The following ODAD1 variants were observed in gnomAD, a reference collection of about 807,000 sequenced individuals.
ODAD1 encodes the protein outer dynein arm docking complex subunit 1, also known as outer dynein arm-docking complex subunit 1.
Under a neutral mutation model 67.2 loss-of-function variants are expected in ODAD1, and 49 were observed. That is an observed-to-expected ratio of 0.73 (90% CI 0.58 to 0.92). The LOEUF (loss-of-function observed/expected upper bound fraction) is 0.92, where lower values mean the gene tolerates loss of function less well. ODAD1 is among the 40% of genes least tolerant of loss of function. ODAD1 has a pLI of 0.00. For synonymous variants in ODAD1, 345 were observed against 393.7 expected, an observed-to-expected ratio of 0.88 and a Z score of 1.46; for missense variants, 897 against 953.7, an observed-to-expected ratio of 0.94 and a Z score of 0.78.
At chr19:48,320,156 C>A in intron 3 of ODAD1, 143 bp downstream of exon 3, 1 of 849,228 alleles carries the variant, frequency 1.2e-6, no homozygotes, top group Non-Finnish European at 1.5e-6. Context: ...GTGCCCGCCC[C>A]GCCTCCCTTA....
chr19:48,302,556 G>C (rs1968493439), intron 12 of ODAD1, 138 bp downstream of exon 12: 1 of 654,056 alleles, frequency 1.5e-6, no homozygotes, highest in Non-Finnish European at 2.6e-6. Context: ...GACCCTGGTT[G>C]GAAAGATGGA....
At chr19:48,304,689 T>C (rs1968561234) in intron 8 of ODAD1, among the ~76,000 whole-genome samples, 1 of 151,546 alleles carries the variant, frequency 6.6e-6, no homozygotes, top group Non-Finnish European at 1.5e-5. Flanking sequence ...AACACAAAAC[T>C]CTCGGTGTGC....
chr19:48,297,770 A>ATTGTG, intron 14 of ODAD1, 102 bp from the exon 15 acceptor site: 1 of 1,083,508 alleles, frequency 9.2e-7, no homozygotes. Flanking sequence ...TTCTCCCACC[A>ATTGTG]GCCCCGAGTG....
chr19:48,321,616 T>C (rs1344688993), intron 1 of ODAD1, 62 bp downstream of exon 1: 3 of 368,548 alleles, frequency 8.1e-6, no homozygotes, highest in African/African-American at 2.1e-5. Flanking sequence ...CGCTCAGGCC[T>C]TGAAGGCCTG....
At position 48,296,674 on chromosome 19, in the gene ODAD1, G is replaced by C; in HGVS notation, c.*302C>G. ...GGTGGGGGATCCACAGGGGGCCAGGGCTCAGCAGACAGGGAAGGGGCAGAT... is the reference window on the plus strand; with the variant it reads ...GGTGGGGGATCCACAGGGGGCCAGGCCTCAGCAGACAGGGAAGGGGCAGAT... On this transcript the variant is annotated 3_prime_UTR_variant, in exon 16 of 16. Coordinates refer to ENST00000674294, the MANE Select transcript of ODAD1 (RefSeq NM_001364171.2). 1 of 911,180 alleles carries C rather than the reference G, an allele frequency of 1.1e-6. No homozygotes were observed. Among genetic ancestry groups the C allele is most frequent in the Non-Finnish European group, 1.4e-6 (1 of 701,274 alleles). The allele number at this position is 911,180 out of a possible 1,614,324, so 56.4% of individuals were successfully genotyped here.
chr19:48,311,486 C>A (rs1310214395), intron 7 of ODAD1, 67 bp downstream of exon 7: 3 of 902,722 alleles, frequency 3.3e-6, no homozygotes, highest in African/African-American at 1.6e-5. Flanking sequence ...GCAGGAAGGG[C>A]AAACAGCTGT....
In ODAD1 at chr19:48,321,862, G is replaced by A. The variant is rs191594163; in HGVS notation, c.-248C>T. The A allele has an allele frequency of 1.3e-5, 5 of 398,600 alleles. No homozygotes were observed. The highest frequency in any genetic ancestry group is 1.0e-4 in the African/African-American group (5 of 48,774). The allele number at this position is 398,600 out of a possible 1,614,324, so 24.7% of individuals were successfully genotyped here. A position where few individuals can be genotyped will look rare whatever the true frequency, so the allele number is the denominator to read the frequency against. On this transcript the variant is annotated 5_prime_UTR_variant, in exon 1 of 16. Coordinates refer to ENST00000674294, the MANE Select transcript of ODAD1 (RefSeq NM_001364171.2). ...TCGAAGCCGGGAGTTGCGCGGAGAA[G>A]GAGCGCTCAACACAGCCTCAGCGGT...
At chr19:48,304,736 ATCCT>A (rs1250212211) in intron 8 of ODAD1, among the ~76,000 whole-genome samples, 1 of 152,086 alleles carries the variant, frequency 6.6e-6, no homozygotes, top group Non-Finnish European at 1.5e-5. Flanking sequence ...TGCTCTCCTC[ATCCT>A]TCAGAGTGTA....
intron 5 of ODAD1, 59 bp from the exon 6 acceptor site, chr19:48,312,175 GCC>G: frequency 1.4e-6 from 2 of 1,402,988 alleles, no homozygotes; most frequent in South Asian, 1.3e-5. Flanking sequence ...AGATTGAATG[GCC>G]CAGGGAAAAT....
In ODAD1 at chr19:48,305,115, GAGA is replaced by G. The variant is rs1246582225; in HGVS notation, c.666-978_666-976del. On this transcript the variant is annotated intron_variant, in intron 8 of 15. Coordinates refer to ENST00000674294, the MANE Select transcript of ODAD1 (RefSeq NM_001364171.2). ...AGGGACCATGAGAAAACAGAAGCCA[GAGA>G]AGAACTTAGTAGAAGGTAAGAAAGC... is the stretch of plus-strand genomic sequence containing the variant. Among the ~76,000 whole-genome samples the G allele has an allele frequency of 2.6e-5, 4 of 152,304 alleles. No individual in the cohort carries two copies. The East Asian group carries it at 5.8e-4, about 22-fold the overall frequency.
chr19:48,321,343 C>A (rs1211363860), intron 1 of ODAD1, among the ~76,000 whole-genome samples: 2 of 151,834 alleles, frequency 1.3e-5, no homozygotes, highest in African/African-American at 4.8e-5. Context: ...GAGAGGTGCA[C>A]GGCTGTGAGG....
chr19:48,297,859 C>T, intron 14 of ODAD1, 141 bp downstream of exon 14: 1 of 846,840 alleles, frequency 1.2e-6, no homozygotes, highest in Non-Finnish European at 1.8e-6. Flanking sequence ...TGCCTCGAAG[C>T]ACATACTTCA....
At chr19:48,316,213 T>G (rs1968894974) in intron 5 of ODAD1, among the ~76,000 whole-genome samples, 1 of 151,990 alleles carries the variant, frequency 6.6e-6, no homozygotes, top group Admixed American at 6.6e-5. Flanking sequence ...ACCCCCCATC[T>G]CTACTAAAAA....
chr19:48,311,026 C>T (rs1199291327), intron 7 of ODAD1, among the ~76,000 whole-genome samples: 1 of 152,116 alleles, frequency 6.6e-6, no homozygotes, highest in South Asian at 2.1e-4. Context: ...TCCTGGCTAA[C>T]ACAGTGAAAC....
In ODAD1 at chr19:48,320,316, G is replaced by T. The variant is rs1274139897; in HGVS notation, c.53C>A (p.Ala18Glu). Residue 18 changes from alanine (A) to glutamate (E), a missense_variant, in exon 3 of 16, where the codon GCA becomes GAA. Coordinates refer to ENST00000674294, the MANE Select transcript of ODAD1 (RefSeq NM_001364171.2). Reference protein sequence around the residue: ...GSARSEEGSEAFLEGMVDWEL... With the variant: ...GSARSEEGSEEFLEGMVDWEL... ...TGAATTACCCATTCCCTCCAGAAAT[G>T]CCTCGCTTCCCTCCTCGGAGCGGGC... 2.6e-5 allele frequency: 34 copies of T among 1,288,418 alleles called. No individual in the cohort carries two copies. The highest frequency in any genetic ancestry group is 3.4e-5 in the Non-Finnish European group (34 of 987,760). The allele number at this position is 1,288,418 out of a possible 1,614,324, so 79.8% of individuals were successfully genotyped here.
At chr19:48,311,210 C>CAAAA (rs1463815549) in intron 7 of ODAD1, among the ~76,000 whole-genome samples, 1 of 151,840 alleles carries the variant, frequency 6.6e-6, no homozygotes, top group African/African-American at 2.4e-5. Flanking sequence ...AGACTCATCT[C>CAAAA]AAAACAAAGA....
intron 5 of ODAD1, among the ~76,000 whole-genome samples, chr19:48,313,448 C>CAAAAAAAAAAAAAAAAA (rs1291428185): frequency 6.9e-5 from 6 of 86,924 alleles, no homozygotes; most frequent in African/African-American, 2.6e-4. Context: ...AAAAAAAAAC[C>CAAAAAAAAAAAAAAAAA]AAAAAAAAAC....
rs1040883349 is a variant in ODAD1, at chr19:48,311,599, C to T, written c.551G>A (p.Arg184Gln). The T allele has an allele frequency of 7.1e-6, 11 of 1,551,306 alleles. No homozygotes were observed. Among genetic ancestry groups the T allele is most frequent in the Admixed American group, 3.9e-5 (2 of 50,980 alleles). Reference protein sequence around the residue: ...AALREELDLLRIDRNRYLNVD... With the variant: ...AALREELDLLQIDRNRYLNVD... ...GTTCAGATAGCGGTTCCTGTCGATC[C>T]GCAGCAGATCCAGCTCCTCCCGCAG... is the stretch of plus-strand genomic sequence containing the variant. The change falls in exon 7 of 16, where the codon CGG becomes CAG. Residue 184 changes from arginine (R) to glutamine (Q), a missense_variant. Arg to Gln is a conservative substitution (Grantham distance 43). Coordinates refer to ENST00000674294, the MANE Select transcript of ODAD1 (RefSeq NM_001364171.2).
intron 7 of ODAD1, among the ~76,000 whole-genome samples, chr19:48,306,528 G>A (rs1968612088): frequency 6.6e-6 from 1 of 152,154 alleles, no homozygotes; most frequent in South Asian, 2.1e-4. Context: ...GGCTCTTTCT[G>A]TAGATAAGCA....
Sources: allele counts gnomAD v4.1 joint callset (sites outside exome capture counted in the v4.1 genomes callset), GRCh38; gene constraint gnomAD v4.1.1; transcripts MANE v1.5; gene names NCBI Gene and HGNC (gene_info 2026-07-23, HGNC 2026-07-21).